SZT2: variants seen among roughly 807,000 people sequenced by gnomAD.
SZT2 encodes KICSTOR complex protein SZT2.
Under a neutral mutation model 404.2 loss-of-function variants are expected in SZT2, and 216 were observed. The observed-to-expected ratio is 0.53, with a 90% CI of 0.48 to 0.60. The LOEUF (loss-of-function observed/expected upper bound fraction) is 0.60, where lower values mean the gene tolerates loss of function less well. Ranked by LOEUF, SZT2 falls within the 20% of genes least tolerant of loss-of-function variation. SZT2 has a pLI of 0.00. For missense variants in SZT2, 3,857 were observed against 4,459.2 expected, an observed-to-expected ratio of 0.86 and a Z score of 3.85; for synonymous variants, 1,693 against 1,749.9, an observed-to-expected ratio of 0.97 and a Z score of 0.81.
chr1:43,442,675 A>G lies in SZT2; in HGVS notation c.8151+57A>G. The G allele has an allele frequency of 6.5e-7, 1 of 1,541,566 alleles. No homozygotes were observed. The highest frequency in any genetic ancestry group is 8.7e-7 in the Non-Finnish European group (1 of 1,145,504). ...TGGCTACTGAGGGGTCAGTTAAAGG[A>G]AAAACCAGCTCAGAAGCCAGAAAGA... On this transcript the variant is annotated intron_variant, in intron 58 of 71. Coordinates refer to ENST00000634258, the MANE Select transcript of SZT2 (RefSeq NM_001365999.1). This position sits in a 1 kb window ranked among gnomAD's most constrained non-coding sequence, Gnocchi z 4.5.
chr1:43,437,006 A>G lies in SZT2; in HGVS notation c.6035-165A>G, dbSNP rs1053951404. 1.3e-5 allele frequency: 11 copies of G among 851,496 alleles called. No homozygotes were observed. Among genetic ancestry groups the G allele is most frequent in the Non-Finnish European group, 2.0e-5 (11 of 552,724 alleles). 52.7% of individuals were successfully genotyped at this position (851,496 alleles called of 1,614,324 possible). On this transcript the variant is annotated intron_variant, in intron 42 of 71. Coordinates refer to ENST00000634258, the MANE Select transcript of SZT2 (RefSeq NM_001365999.1). The surrounding 1 kb of genome is among the most constrained non-coding windows in gnomAD (Gnocchi z 5.3). Reference sequence around the variant, plus strand: ...ATGACCTGTGTTCCTAAGGGCATGCATCTGCCTGGCCCTGTCGTGTTACCC... The same window carrying G: ...ATGACCTGTGTTCCTAAGGGCATGCGTCTGCCTGGCCCTGTCGTGTTACCC...
intron 65 of SZT2, 130 bp from the exon 66 acceptor site, chr1:43,446,825 G>A: frequency 1.1e-6 from 1 of 942,626 alleles, no homozygotes; most frequent in Non-Finnish European, 1.6e-6. Context: ...AACCATTCTG[G>A]CAGAGGGCGT....
chr1:43,427,294 G>A lies in SZT2; in HGVS notation c.3447G>A (p.Leu1149=). The change falls in exon 25 of 72, where the codon CTG becomes CTA. Residue 1149 remains leucine (L), a synonymous_variant. Transcript: ENST00000634258. ...LPATFSDVQR[L]AACGLEGPPQ... ...GATCCTCTTCAGATGTCCAGCGTCT[G>A]GCTGCCTGTGGCCTGGAGGGACCCC... is the stretch of plus-strand genomic sequence containing the variant. 1 of 1,610,532 alleles carries A rather than the reference G, an allele frequency of 6.2e-7. No homozygotes were observed. The highest frequency in any genetic ancestry group is 1.7e-5 in the Admixed American group (1 of 59,570).
At position 43,428,249 on chromosome 1, in the gene SZT2, G is replaced by A. The variant is rs1345306217; in HGVS notation, c.3929G>A (p.Arg1310His). The A allele has an allele frequency of 3.7e-6, 6 of 1,614,182 alleles. No homozygotes were observed. Among genetic ancestry groups the A allele is most frequent in the Middle Eastern group, 1.6e-4 (1 of 6,062 alleles). Residue 1310 changes from arginine to histidine, a missense_variant, in exon 28 of 72, where the codon CGC (arginine) becomes CAC (histidine). Arg to His is a conservative substitution (Grantham distance 29). This residue lies in a region of SZT2 where 1,725 missense variants were observed against 1,881.0 expected (regional missense o/e 0.92). Transcript: ENST00000634258. ...AQRCYVRGLF[R>H]SLQQAQSVTS... ...CTTCCACTTCCATCAGGGCTATTCC[G>A]CAGCTTGCAGCAAGCACAGAGTGTG... is the stretch of plus-strand genomic sequence containing the variant.
intron 1 of SZT2, among the ~76,000 whole-genome samples, chr1:43,391,113 G>C (rs887055323): frequency 6.6e-6 from 1 of 152,166 alleles, no homozygotes; most frequent in Non-Finnish European, 1.5e-5. Context: ...TGAGGAGTTC[G>C]AGACCAGCCT....
In SZT2 at chr1:43,451,645, C is replaced by T. The variant is rs1656441930; in HGVS notation, c.*1165C>T. On this transcript the variant is annotated 3_prime_UTR_variant, in exon 72 of 72. Coordinates refer to ENST00000634258, the MANE Select transcript of SZT2 (RefSeq NM_001365999.1). ...GTGGGAGGGCAAAGGAAGGTCCTCT[C>T]ACCAACAATGGGCAGGAACTCCCGG... is the stretch of plus-strand genomic sequence containing the variant. The T allele has an allele frequency of 1.9e-6, 3 of 1,614,164 alleles. No individual in the cohort carries two copies. Among genetic ancestry groups the T allele is most frequent in the African/African-American group, 1.3e-5 (1 of 75,044 alleles).
Position 43,441,012 on chromosome 1 carries a change from A to G in SZT2, c.7345-202A>G, listed in dbSNP as rs547530627. Among the ~76,000 whole-genome samples, 1 of 152,308 alleles carries G rather than the reference A, an allele frequency of 6.6e-6. No individual in the cohort carries two copies. Among genetic ancestry groups the G allele is most frequent in the African/African-American group, 2.4e-5 (1 of 41,566 alleles). On this transcript the variant is annotated intron_variant, in intron 52 of 71. Transcript: ENST00000634258. The surrounding 1 kb of genome is among the most constrained non-coding windows in gnomAD (Gnocchi z 4.8). Reference sequence around the variant, plus strand: ...TCGGATCCTCACAACAGCTTGCAAGATAAGTAGAGCTTTTACAGTGAGGAA... The same window carrying G: ...TCGGATCCTCACAACAGCTTGCAAGGTAAGTAGAGCTTTTACAGTGAGGAA...
At position 43,438,788 on chromosome 1, in the gene SZT2, A is replaced by G; in HGVS notation, c.6598A>G (p.Asn2200Asp). Reference protein sequence around the residue: ...LDVITVMLVRNCKLTPADVEF... With the variant: ...LDVITVMLVRDCKLTPADVEF... ...CGTCATCACAGTTATGCTTGTTCGG[A>G]ACTGCAAGCTGACACCAGCTGATGT... is the stretch of plus-strand genomic sequence containing the variant. Residue 2200 changes from asparagine to aspartate, a missense_variant, in exon 47 of 72, where the codon AAC becomes GAC. By Grantham distance (23) the Asn-to-Asp change is conservative (BLOSUM62 1). This residue lies in a region of SZT2 where 261 missense variants were observed against 372.9 expected (regional missense o/e 0.70). Coordinates refer to ENST00000634258, the MANE Select transcript of SZT2 (RefSeq NM_001365999.1). 6.2e-7 allele frequency: 1 copy of G among 1,613,862 alleles called. No individual in the cohort carries two copies. Among genetic ancestry groups the G allele is most frequent in the Non-Finnish European group, 8.5e-7 (1 of 1,179,892 alleles).
At chr1:43,446,822 C>G in intron 65 of SZT2, 133 bp from the exon 66 acceptor site, 2 of 913,750 alleles carry the variant, frequency 2.2e-6, no homozygotes, top group Non-Finnish European at 3.3e-6. Flanking sequence ...AGAAACCATT[C>G]TGGCAGAGGG....
chr1:43,453,196 AAGAGTGGCAAAC>A lies in SZT2; in HGVS notation c.*2726_*2737del, dbSNP rs1190482551. ...GGATCCCAGCATGGGGTGAGCATGA[AAGAGTGGCAAAC>A]AGAGTGGCATAAGACAGATAAAATA... On this transcript the variant is annotated 3_prime_UTR_variant, in exon 72 of 72. Coordinates refer to ENST00000634258, the MANE Select transcript of SZT2 (RefSeq NM_001365999.1). 2.3e-5 allele frequency: 15 copies of A among 641,448 alleles called. No individual in the cohort carries two copies. Among genetic ancestry groups the A allele is most frequent in the African/African-American group, 7.3e-5 (4 of 55,122 alleles). 39.7% of individuals were successfully genotyped at this position (641,448 alleles called of 1,614,324 possible). A position where few individuals can be genotyped will look rare whatever the true frequency, so the allele number is the denominator to read the frequency against.
In SZT2 at chr1:43,416,107, T is replaced by C; in HGVS notation, c.772+6T>C. The C allele has an allele frequency of 6.3e-7, 1 of 1,597,830 alleles. No homozygotes were observed. The highest frequency in any genetic ancestry group is 2.2e-5 in the East Asian group (1 of 44,858). On this transcript the variant is annotated splice_donor_region_variant and intron_variant, in intron 6 of 71. Coordinates refer to ENST00000634258, the MANE Select transcript of SZT2 (RefSeq NM_001365999.1). ...ACCCTCGAACTCTAGTGCAGGTCAG[T>C]AGAAGGAATATTGGTGGGACTGGGG... is the stretch of plus-strand genomic sequence containing the variant.
intron 11 of SZT2, among the ~76,000 whole-genome samples, 153 bp from the exon 12 acceptor site, chr1:43,421,930 G>GT (rs1475660753): frequency 2.0e-5 from 3 of 152,252 alleles, no homozygotes; most frequent in Non-Finnish European, 4.4e-5. Context: ...AGTGGAAACA[G>GT]TTTTTGCCTG....
Sources: gnomAD v4.1 joint callset for allele counts (sites outside exome capture counted in the v4.1 genomes callset) on GRCh38, gnomAD v4.1.1 for gene constraint, gnomAD v4.1.1 regional missense constraint, Gnocchi (gnomAD v3.1) non-coding constraint, MANE v1.5 for transcripts, NCBI Gene and HGNC (gene_info 2026-07-23, HGNC 2026-07-21) for gene names.